TARDBP: variants seen among roughly 807,000 people sequenced by gnomAD.
The protein encoded by TARDBP is TAR DNA-binding protein 43.
In TARDBP, 4 loss-of-function variants were observed where a neutral mutation model predicts 38.3. The observed-to-expected ratio is 0.10, with a 90% confidence interval of 0.05 to 0.24. The LOEUF is 0.24. Among genes scored for constraint, TARDBP ranks in the 10% least tolerant of loss-of-function variants. The probability of loss-of-function intolerance (pLI) is 1.00; values close to 1 mark genes in which losing one functional copy is unlikely to be tolerated. For synonymous variants in TARDBP, 184 were observed against 183.8 expected (o/e 1.00, Z -0.01); for missense variants, 202 against 521.9 (o/e 0.39, Z 5.97).
downstream of TARDBP, chr1:11,027,453 C>T (rs765443160): frequency 5.0e-6 from 8 of 1,614,046 alleles, no homozygotes; most frequent in East Asian, 6.7e-5. Context: ...GGTGCCCATT[C>T]GAATGTCCAG....
At chr1:11,020,285 G>A in intron 4 of TARDBP, 144 bp from the exon 5 acceptor site, 1 of 922,220 alleles carries the variant, frequency 1.1e-6, no homozygotes, top group Non-Finnish European at 1.7e-6. Context: ...AAGAAATGCT[G>A]ATGGAAAAAA....
downstream of TARDBP, chr1:11,026,842 G>A: frequency 6.9e-7 from 1 of 1,447,410 alleles, no homozygotes; most frequent in Non-Finnish European, 9.1e-7. Context: ...GGTCTTCACA[G>A]GCATTTCTAA....
rs376560308 is a variant in TARDBP, at chr1:11,013,974, C to A, written c.238+9C>A. ...TGTCAACTATCCAAAAGGTTTGTTA[C>A]CATTTGGTTTTTGTAATCATGCTGA... On this transcript the variant is annotated intron_variant, in intron 2 of 5. Transcript: ENST00000240185. The A allele has an allele frequency of 2.5e-6, 4 of 1,613,808 alleles. No homozygotes were observed. Among genetic ancestry groups the A allele is most frequent in the Non-Finnish European group, 2.5e-6 (3 of 1,179,758 alleles).
At chr1:11,018,227 G>A (rs1030387867) in intron 3 of TARDBP, 6 of 168,290 alleles carry the variant, frequency 3.6e-5, no homozygotes, top group Admixed American at 2.9e-4. Flanking sequence ...GGCTCTGTCA[G>A]TCAGGCTCTA....
At chr1:11,018,642 C>G (rs1204546521) in intron 3 of TARDBP, 91 bp from the exon 4 acceptor site, 4 of 1,583,336 alleles carry the variant, frequency 2.5e-6, no homozygotes, top group Non-Finnish European at 2.6e-6. Context: ...CCAGTTGAAA[C>G]CATTCAAATT....
intron 2 of TARDBP, among the ~76,000 whole-genome samples, chr1:11,014,852 G>A (rs1266705818): frequency 3.9e-5 from 6 of 152,130 alleles, no homozygotes; most frequent in Non-Finnish European, 8.8e-5. Flanking sequence ...CAGGAGAATC[G>A]CTTGAACCGG....
In TARDBP at chr1:11,024,001, G is replaced by A. The variant is rs1643687292; in HGVS notation, c.*1347G>A. The A allele has an allele frequency of 6.6e-6, 1 of 152,622 alleles. No homozygotes were observed. Among genetic ancestry groups the A allele is most frequent in the Admixed American group, 6.5e-5 (1 of 15,274 alleles). 9.5% of individuals were successfully genotyped at this position (152,622 alleles called of 1,614,324 possible). Reference sequence around the variant, plus strand: ...CTGTGCTTGGATGCTTTTTATAAGAGTTGTCATTGTTGGAAATTCTTAAAT... The same window carrying A: ...CTGTGCTTGGATGCTTTTTATAAGAATTGTCATTGTTGGAAATTCTTAAAT... On this transcript the variant is annotated 3_prime_UTR_variant, in exon 6 of 6. Coordinates refer to ENST00000240185, the MANE Select transcript of TARDBP (RefSeq NM_007375.4).
intron 5 of TARDBP, 74 bp downstream of exon 5, chr1:11,020,673 C>A: frequency 1.3e-6 from 2 of 1,541,856 alleles, no homozygotes; most frequent in South Asian, 1.1e-5. Context: ...CTTTGGAGGC[C>A]GAGGCGGGTG....
downstream of TARDBP, chr1:11,026,451 AC>A (rs1276910620): frequency 6.5e-6 from 1 of 153,990 alleles, no homozygotes; most frequent in Non-Finnish European, 1.4e-5. Context: ...TTTCCAACCT[AC>A]CTACCCAAAA....
chr1:11,030,372 G>A (rs963242425), downstream of TARDBP: 12 of 673,522 alleles, frequency 1.8e-5, no homozygotes, highest in Non-Finnish European at 5.1e-6. Context: ...GGTGTCTGAA[G>A]AACCATTTTA....
intron 2 of TARDBP, 75 bp downstream of exon 2, chr1:11,014,040 C>A (rs569266043): frequency 7.0e-7 from 1 of 1,432,542 alleles, no homozygotes; most frequent in Admixed American, 1.7e-5. Flanking sequence ...ATCTTAGCCT[C>A]TTTTGGTGGC....
intron 3 of TARDBP, among the ~76,000 whole-genome samples, chr1:11,017,675 T>C (rs764062174): frequency 1.6e-4 from 24 of 152,238 alleles, no homozygotes; most frequent in Non-Finnish European, 3.1e-4. Context: ...CTTTATATAT[T>C]AAACTAATGG....
At chr1:11,030,011 A>G (rs974495007), downstream of TARDBP, 9 of 561,820 alleles carry the variant, frequency 1.6e-5, no homozygotes, top group Non-Finnish European at 2.5e-5. Flanking sequence ...ACCTCTGTAT[A>G]TGGGAAGGGG....
chr1:11,015,851 C>G (rs1229904468), intron 2 of TARDBP, among the ~76,000 whole-genome samples: 2 of 151,474 alleles, frequency 1.3e-5, no homozygotes, highest in African/African-American at 4.8e-5. Flanking sequence ...TCAAGCAATT[C>G]TCTGCCTCAG....
chr1:11,023,665 T>G lies in TARDBP; in HGVS notation c.*1011T>G, dbSNP rs7514132. 4.9e-6 allele frequency: 1 copy of G among 203,772 alleles called. No homozygotes were observed. Among genetic ancestry groups the G allele is most frequent in the Non-Finnish European group, 1.0e-5 (1 of 100,498 alleles). The allele number at this position is 203,772 out of a possible 1,614,324, so 12.6% of individuals were successfully genotyped here. On this transcript the variant is annotated 3_prime_UTR_variant, in exon 6 of 6. Coordinates refer to ENST00000240185, the MANE Select transcript of TARDBP (RefSeq NM_007375.4). ...ACATCCACATCTGTTGGAAGACTTT[T>G]AAGTGAGTTTTTGTTCTTAGATAAC...
At chr1:11,014,504 A>G (rs575409683) in intron 2 of TARDBP, among the ~76,000 whole-genome samples, 1 of 152,236 alleles carries the variant, frequency 6.6e-6, no homozygotes, top group Non-Finnish European at 1.5e-5. Flanking sequence ...GAAGTGTGCC[A>G]AGGAAATACC....
At position 11,024,398 on chromosome 1, in the gene TARDBP, A is replaced by G. The variant is rs923937129; in HGVS notation, c.*1744A>G. 7 of 152,556 alleles carry G rather than the reference A, an allele frequency of 4.6e-5. No individual in the cohort carries two copies. The highest frequency in any genetic ancestry group is 1.4e-4 in the African/African-American group (6 of 41,418). The allele number at this position is 152,556 out of a possible 1,614,324, so 9.5% of individuals were successfully genotyped here. On this transcript the variant is annotated 3_prime_UTR_variant, in exon 6 of 6. Coordinates refer to ENST00000240185, the MANE Select transcript of TARDBP (RefSeq NM_007375.4). ...TGCATTTGGGTGATGTTCTATTTAC[A>G]TGGCCTGTGTAAATCTCCATTGGGA...
chr1:11,016,623 C>G (rs1643530736), intron 2 of TARDBP, among the ~76,000 whole-genome samples: 1 of 152,184 alleles, frequency 6.6e-6, no homozygotes, highest in South Asian at 2.1e-4. Context: ...CTACAAAAAA[C>G]AAACTTGGAA....
downstream of TARDBP, chr1:11,026,754 A>C (rs1363036568): frequency 3.1e-6 from 2 of 653,578 alleles, no homozygotes; most frequent in Non-Finnish European, 4.8e-6. Flanking sequence ...CCTCACCTGG[A>C]GTCTGTTTTT....
Sources: gnomAD v4.1 joint callset for allele counts (sites outside exome capture counted in the v4.1 genomes callset) on GRCh38, gnomAD v4.1.1 for gene constraint, MANE v1.5 for transcripts, NCBI Gene and HGNC (gene_info 2026-07-23, HGNC 2026-07-21) for gene names.